The following DGKD variants were observed in gnomAD, a reference collection of about 807,000 sequenced individuals.
DGKD encodes DAG kinase delta.
A neutral mutation model predicts 154.4 loss-of-function variants in DGKD; 68 were observed. That is an observed-to-expected ratio of 0.44 (90% CI 0.36 to 0.54). The LOEUF (loss-of-function observed/expected upper bound fraction) is 0.54, where lower values mean the gene tolerates loss of function less well. Among genes scored for constraint, DGKD ranks in the 20% least tolerant of loss-of-function variants. The pLI, the probability that DGKD is intolerant of heterozygous loss-of-function variation, is 0.00. For synonymous variants in DGKD, 693 were observed against 638.0 expected, an observed-to-expected ratio of 1.09 and a Z score of -1.30; for missense variants, 1,343 against 1,593.6, an observed-to-expected ratio of 0.84 and a Z score of 2.68.
At chr2:233,460,074 A>AC (rs1329055692) in intron 23 of DGKD, 120 bp from the exon 24 acceptor site, 5 of 1,491,130 alleles carry the variant, frequency 3.4e-6, no homozygotes, top group African/African-American at 2.8e-5. Context: ...AATGTTAAAA[A>AC]AAAAAAAAAG....
chr2:233,386,274 A>G (rs181192300), intron 1 of DGKD: 1 of 298,504 alleles, frequency 3.4e-6, no homozygotes, highest in African/African-American at 2.2e-5. Flanking sequence ...TTTGAGGTCA[A>G]CAGAGAAAGG....
chr2:233,449,845 C>T lies in DGKD; in HGVS notation c.1889-137C>T. 12 of 1,069,766 alleles carry T rather than the reference C, an allele frequency of 1.1e-5. No homozygotes were observed. Among genetic ancestry groups the T allele is most frequent in the Non-Finnish European group, 1.4e-5 (11 of 777,758 alleles). The allele number at this position is 1,069,766 out of a possible 1,614,324, so 66.3% of individuals were successfully genotyped here. On this transcript the variant is annotated intron_variant, in intron 15 of 29. Coordinates refer to ENST00000264057, the MANE Select transcript of DGKD (RefSeq NM_152879.3). The surrounding 1 kb of genome is among the most constrained non-coding windows in gnomAD (Gnocchi z 5.3). ...GGGAAGATGGGTGGGGGTGGGGTTT[C>T]GGAGTCCAAGCCTTTAGCCAGAGGT...
chr2:233,397,773 G>A (rs2061455432), intron 3 of DGKD, among the ~76,000 whole-genome samples: 1 of 152,084 alleles, frequency 6.6e-6, no homozygotes, highest in Non-Finnish European at 1.5e-5. Flanking sequence ...AGGATTGTTA[G>A]GAGAGAGTGG....
chr2:233,378,983 A>T (rs564911388), intron 1 of DGKD, among the ~76,000 whole-genome samples: 1 of 152,344 alleles, frequency 6.6e-6, no homozygotes, highest in South Asian at 2.1e-4. Context: ...GTGAGCTGTG[A>T]TTGAGCCACT....
chr2:233,456,599 A>T (rs1208358469), intron 19 of DGKD, among the ~76,000 whole-genome samples: 1 of 152,146 alleles, frequency 6.6e-6, no homozygotes. Flanking sequence ...AAAAATCAGG[A>T]TGTGTAGAAG....
chr2:233,365,201 A>G (rs1701962874), intron 1 of DGKD, among the ~76,000 whole-genome samples: 2 of 152,310 alleles, frequency 1.3e-5, no homozygotes, highest in African/African-American at 4.8e-5. Flanking sequence ...AAATTTGTAA[A>G]AGTGTAGAAT....
At chr2:233,398,619 A>G (rs2061481532) in intron 3 of DGKD, among the ~76,000 whole-genome samples, 2 of 151,788 alleles carry the variant, frequency 1.3e-5, no homozygotes. Context: ...TGTTGTCTTC[A>G]AGTCCTACGC....
chr2:233,429,855 G>C (rs906884058), intron 3 of DGKD, among the ~76,000 whole-genome samples: 1 of 152,198 alleles, frequency 6.6e-6, no homozygotes, highest in African/African-American at 2.4e-5. Context: ...CACCAACCCA[G>C]GATATGTGGA....
intron 28 of DGKD, among the ~76,000 whole-genome samples, chr2:233,468,149 T>C (rs1275872820): frequency 2.0e-5 from 3 of 151,306 alleles, no homozygotes; most frequent in Non-Finnish European, 2.9e-5. Context: ...GCACTGCTGG[T>C]GGGTGGTGCT....
At chr2:233,443,194 CTT>C (rs1156826636) in intron 10 of DGKD, among the ~76,000 whole-genome samples, 1 of 152,220 alleles carries the variant, frequency 6.6e-6, no homozygotes, top group African/African-American at 2.4e-5. Flanking sequence ...CTGTTCATCT[CTT>C]TAGTTTTTGT....
Position 233,385,983 on chromosome 2 carries a change from T to C in DGKD, c.157-2274T>C, listed in dbSNP as rs75907019. On this transcript the variant is annotated intron_variant, in intron 1 of 29. Transcript: ENST00000264057. Reference sequence around the variant, plus strand: ...AGACTCTCATCCGCCCTCAGAAAGATTGTGCGTGTGCGTGTGTGTGCGTGT... The same window carrying C: ...AGACTCTCATCCGCCCTCAGAAAGACTGTGCGTGTGCGTGTGTGTGCGTGT... 2.0e-3 allele frequency: 932 copies of C among 470,738 alleles called. 13 individuals carry two copies. Among genetic ancestry groups the C allele is most frequent in the African/African-American group, 0.017 (863 of 50,038 alleles). The allele number at this position is 470,738 out of a possible 1,614,324, so 29.2% of individuals were successfully genotyped here. A position where few individuals can be genotyped will look rare whatever the true frequency, so the allele number is the denominator to read the frequency against.
intron 1 of DGKD, among the ~76,000 whole-genome samples, chr2:233,376,535 AAATGGG>A (rs1702580183): frequency 1.3e-5 from 2 of 152,196 alleles, no homozygotes; most frequent in African/African-American, 4.8e-5. Context: ...TGGTTCTGTG[AAATGGG>A]AATGTTTCCT....
At chr2:233,367,314 C>T (rs984726318) in intron 1 of DGKD, among the ~76,000 whole-genome samples, 4 of 151,852 alleles carry the variant, frequency 2.6e-5, no homozygotes, top group Non-Finnish European at 5.9e-5. Context: ...CTGCAACCTC[C>T]GCCTCCCAGG....
At chr2:233,432,268 G>A (rs1269324692) in intron 3 of DGKD, among the ~76,000 whole-genome samples, 2 of 102,684 alleles carry the variant, frequency 1.9e-5, no homozygotes, top group Non-Finnish European at 4.6e-5. Context: ...GCTCACGCCT[G>A]TAATCCCAGC....
At chr2:233,463,402 A>G (rs1169898785) in intron 26 of DGKD, among the ~76,000 whole-genome samples, 1 of 130,498 alleles carries the variant, frequency 7.7e-6, no homozygotes, top group African/African-American at 3.0e-5. Context: ...ACATCTCCTC[A>G]CTCCACGCAT....
intron 1 of DGKD, among the ~76,000 whole-genome samples, chr2:233,385,715 G>C (rs757176623): frequency 2.0e-5 from 3 of 152,150 alleles, no homozygotes; most frequent in Non-Finnish European, 4.4e-5. Context: ...TTATTTTGGG[G>C]TGTTATTTTC....
chr2:233,455,322 A>AC (rs1160027828), intron 19 of DGKD, among the ~76,000 whole-genome samples: 1 of 152,196 alleles, frequency 6.6e-6, no homozygotes, highest in Non-Finnish European at 1.5e-5. Context: ...CTGCAGGAAG[A>AC]CGGGAGCGTG....
intron 1 of DGKD, among the ~76,000 whole-genome samples, chr2:233,384,344 T>A (rs560160034): frequency 8.5e-5 from 13 of 152,212 alleles, no homozygotes; most frequent in Non-Finnish European, 1.9e-4. Flanking sequence ...CTTCTTGTTC[T>A]CCTTTCTGGC....
chr2:233,403,113 G>T (rs942053778), intron 3 of DGKD, among the ~76,000 whole-genome samples: 1 of 152,170 alleles, frequency 6.6e-6, no homozygotes, highest in African/African-American at 2.4e-5. Context: ...GGGAGTCGGG[G>T]ACATCCAGGA....
Sources: gnomAD v4.1 joint callset for allele counts (sites outside exome capture counted in the v4.1 genomes callset) on GRCh38, gnomAD v4.1.1 for gene constraint, Gnocchi (gnomAD v3.1) non-coding constraint, MANE v1.5 for transcripts, NCBI Gene and HGNC (gene_info 2026-07-23, HGNC 2026-07-21) for gene names.